DCC: variants seen among roughly 807,000 people sequenced by gnomAD.
DCC encodes the protein DCC netrin 1 receptor.
Under a neutral mutation model 172.5 loss-of-function variants are expected in DCC, and 58 were observed. The observed-to-expected ratio is 0.34, with a 90% CI of 0.27 to 0.42. The LOEUF is 0.42. DCC is among the 10% of genes least tolerant of loss of function. The pLI is 1.00. For missense variants in DCC, 1,740 were observed against 1,791.0 expected (o/e 0.97, Z 0.51); for synonymous variants, 709 against 644.5 (o/e 1.10, Z -1.52).
At position 53,305,737 on chromosome 18, in the gene DCC, G is replaced by A. The variant is rs889481726; in HGVS notation, c.2053+18G>A. 13 of 1,612,588 alleles carry A rather than the reference G, an allele frequency of 8.1e-6. No individual in the cohort carries two copies. The highest frequency in any genetic ancestry group is 1.1e-5 in the Non-Finnish European group (13 of 1,178,772). Reference sequence around the variant, plus strand: ...ATTCACAGGTCAGTGTTCACATGGTGTAGTCTTGCAAGGTTTTGATGAATT... The same window carrying A: ...ATTCACAGGTCAGTGTTCACATGGTATAGTCTTGCAAGGTTTTGATGAATT... On this transcript the variant is annotated intron_variant, in intron 13 of 28. Transcript: ENST00000442544.
intron 1 of DCC, among the ~76,000 whole-genome samples, chr18:52,742,536 G>A (rs1184011001): frequency 1.3e-5 from 2 of 152,118 alleles, no homozygotes; most frequent in East Asian, 3.9e-4. Flanking sequence ...GGTGGATGAA[G>A]GAATGGCATG....
At chr18:53,181,492 C>G (rs2055196197) in intron 9 of DCC, among the ~76,000 whole-genome samples, 1 of 148,130 alleles carries the variant, frequency 6.8e-6, no homozygotes. Context: ...GCTAAGAACA[C>G]TCATTCCATA....
rs1555675979 is a variant in DCC at position 53,468,380 on chromosome 18, T to TTTATTTATTTTA, written c.3736+372_3736+373insATTTATTTTATT. Among the ~76,000 whole-genome samples, 731 of 135,158 alleles carry TTTATTTATTTTA rather than the reference T, an allele frequency of 5.4e-3. 5 individuals carry two copies. The highest frequency in any genetic ancestry group is 0.02 in the African/African-American group (656 of 32,418). 88.7% of individuals were successfully genotyped at this position (135,158 alleles called of 152,430 possible). The stretch of plus-strand genomic sequence containing the variant: ...TTTATTTATTTTATTTATTTATTTA[T>TTTATTTATTTTA]TTTATTTATTTATTTATTTTGAGAC... On this transcript the variant is annotated intron_variant, in intron 25 of 28. Coordinates refer to ENST00000442544, the MANE Select transcript of DCC (RefSeq NM_005215.4).
intron 1 of DCC, among the ~76,000 whole-genome samples, chr18:52,543,006 G>T (rs550568309): frequency 6.6e-6 from 1 of 152,312 alleles, no homozygotes; most frequent in African/African-American, 2.4e-5. Flanking sequence ...CAAACTAGAG[G>T]TTAAGATGAG....
chr18:52,804,159 CCAAAA>C (rs1190056071), intron 2 of DCC, among the ~76,000 whole-genome samples: 1 of 152,162 alleles, frequency 6.6e-6, no homozygotes, highest in African/African-American at 2.4e-5. Context: ...ACCACTAAAA[CCAAAA>C]CAAATCATTA....
rs539400669 is a variant in DCC at position 53,484,368 on chromosome 18, A to G, written c.3737-2429A>G. On this transcript the variant is annotated intron_variant, in intron 25 of 28. Transcript: ENST00000442544. ...AGAGGCACTTTTTGTAACAATATAT[A>G]AAGACAAGATTAGGTTGCCTTTTCT... Among the ~76,000 whole-genome samples, 6 of 151,936 alleles carry G rather than the reference A, an allele frequency of 3.9e-5. No individual in the cohort carries two copies. The East Asian group carries it at 1.2e-3, about 29-fold the overall frequency.
intron 5 of DCC, among the ~76,000 whole-genome samples, chr18:53,019,080 GCTGA>G (rs1028850368): frequency 6.6e-6 from 1 of 152,198 alleles, no homozygotes; most frequent in East Asian, 1.9e-4. Flanking sequence ...AAAATTGGCC[GCTGA>G]CTGGGGCCAA....
chr18:52,704,847 T>G (rs2036179349), intron 1 of DCC, among the ~76,000 whole-genome samples: 1 of 152,220 alleles, frequency 6.6e-6, no homozygotes, highest in South Asian at 2.1e-4. Flanking sequence ...AGGATTTGCT[T>G]TCAATCCTTT....
At chr18:53,464,979 C>CAAAAAAAAAAAAAAAAAAAAAGAAAAAA (rs2045601764) in intron 24 of DCC, among the ~76,000 whole-genome samples, 1 of 54,840 alleles carries the variant, frequency 1.8e-5, no homozygotes, top group Non-Finnish European at 3.8e-5. Flanking sequence ...AACTCAATCT[C>CAAAAAAAAAAAAAAAAAAAAAGAAAAAA]AAAAAAAAAA....
intron 1 of DCC, among the ~76,000 whole-genome samples, chr18:52,720,523 A>AT (rs2036456850): frequency 6.6e-6 from 1 of 152,196 alleles, no homozygotes; most frequent in South Asian, 2.1e-4. Flanking sequence ...ATACTGGCAC[A>AT]TGATACCTCT....
intron 2 of DCC, among the ~76,000 whole-genome samples, chr18:52,838,660 A>C (rs1225151406): frequency 1.3e-5 from 2 of 152,258 alleles, no homozygotes; most frequent in East Asian, 3.8e-4. Flanking sequence ...GAACATGGGA[A>C]TGAAGCATAA....
chr18:52,488,060 T>G (rs1419656779), intron 1 of DCC, among the ~76,000 whole-genome samples: 2 of 152,098 alleles, frequency 1.3e-5, no homozygotes, highest in Non-Finnish European at 2.9e-5. Flanking sequence ...TAATTCTTGG[T>G]CAGCAATACA....
chr18:53,444,068 G>T (rs57601701), intron 22 of DCC, among the ~76,000 whole-genome samples: 71,328 of 152,066 alleles, frequency 0.47, 17,776 homozygotes, highest in Non-Finnish European at 0.57. Flanking sequence ...ATGAAAGATT[G>T]GTAATATTAC....
intron 15 of DCC, among the ~76,000 whole-genome samples, chr18:53,344,956 T>C (rs996350885): frequency 4.0e-5 from 6 of 151,054 alleles, no homozygotes; most frequent in Non-Finnish European, 7.4e-5. Flanking sequence ...TTTTCTATAA[T>C]GGACCAGAGA....
At chr18:53,521,011 C>T (rs2046393308) in intron 27 of DCC, among the ~76,000 whole-genome samples, 1 of 152,078 alleles carries the variant, frequency 6.6e-6, no homozygotes, top group Non-Finnish European at 1.5e-5. Flanking sequence ...CTACCTTCCT[C>T]TCCAGGGACC....
chr18:52,353,718 C>T (rs932669940), intron 1 of DCC, among the ~76,000 whole-genome samples: 2 of 152,008 alleles, frequency 1.3e-5, no homozygotes, highest in Admixed American at 1.3e-4. Context: ...CTGGCGTGCT[C>T]CAAATCAGAG....
rs118059126 is a variant in DCC at position 52,601,143 on chromosome 18, G to A, written c.92-150911G>A. The stretch of plus-strand genomic sequence containing the variant: ...CTGTTTTCTAAGGAGGTAGACATCT[G>A]GCTGTATTAATTCAGTCATTTTTAA... On this transcript the variant is annotated intron_variant, in intron 1 of 28. Coordinates refer to ENST00000442544, the MANE Select transcript of DCC (RefSeq NM_005215.4). Among the ~76,000 whole-genome samples, 897 of 152,136 alleles carry A rather than the reference G, an allele frequency of 5.9e-3. 7 individuals are homozygous for A. The highest frequency in any genetic ancestry group is 7.5e-3 in the Non-Finnish European group (513 of 67,952).
intron 14 of DCC, among the ~76,000 whole-genome samples, chr18:53,338,306 T>C (rs2057614466): frequency 6.6e-6 from 1 of 152,194 alleles, no homozygotes; most frequent in Non-Finnish European, 1.5e-5. Context: ...AGTTGTTGTA[T>C]AAATATTTAT....
At chr18:52,724,612 C>T (rs1281969688) in intron 1 of DCC, among the ~76,000 whole-genome samples, 1 of 152,112 alleles carries the variant, frequency 6.6e-6, no homozygotes, top group Non-Finnish European at 1.5e-5. Context: ...TAAGATTTAC[C>T]AACAGACCAG....
Sources: allele counts gnomAD v4.1 joint callset (sites outside exome capture counted in the v4.1 genomes callset), GRCh38; gene constraint gnomAD v4.1.1; transcripts MANE v1.5; gene names NCBI Gene and HGNC (gene_info 2026-07-23, HGNC 2026-07-21).